CTNNA2: variants seen among roughly 807,000 people sequenced by gnomAD.
CTNNA2 encodes catenin alpha 2, also known as catenin alpha-2.
Under a neutral mutation model 101.0 loss-of-function variants are expected in CTNNA2, and 42 were observed. The observed-to-expected ratio is 0.42, with a 90% confidence interval of 0.32 to 0.54. The LOEUF is 0.54. CTNNA2 is among the 20% of genes least tolerant of loss of function. The probability of loss-of-function intolerance (pLI) is 0.14; values close to 1 mark genes in which losing one functional copy is unlikely to be tolerated. For missense variants in CTNNA2, 871 were observed against 1,223.1 expected (o/e 0.71, Z 4.29); for synonymous variants, 450 against 456.4 (o/e 0.99, Z 0.18).
chr2:79,249,317 C>G (rs1674739869), intron 2 of CTNNA2, among the ~76,000 whole-genome samples: 1 of 152,168 alleles, frequency 6.6e-6, no homozygotes, highest in African/African-American at 2.4e-5. Context: ...ACCATTTCCC[C>G]CACATACTAT....
intron 15 of CTNNA2, among the ~76,000 whole-genome samples, chr2:80,593,367 T>C (rs1489016132): frequency 1.3e-5 from 2 of 152,114 alleles, no homozygotes; most frequent in Non-Finnish European, 2.9e-5. Flanking sequence ...TTGTTTGTTT[T>C]GCTGTTGGCT....
intron 18 of CTNNA2, among the ~76,000 whole-genome samples, chr2:80,630,976 T>C (rs533223533): frequency 6.6e-6 from 1 of 152,326 alleles, no homozygotes; most frequent in Admixed American, 6.5e-5. Context: ...ACTTCAGATG[T>C]AACAGAAATC....
chr2:80,153,299 T>C lies in CTNNA2; in HGVS notation c.1057-239912T>C, dbSNP rs190555950. Among the ~76,000 whole-genome samples the C allele has an allele frequency of 2.9e-3, 436 of 152,316 alleles. 2 individuals are homozygous for C. The highest frequency in any genetic ancestry group is 3.4e-3 in the Middle Eastern group (1 of 294). On this transcript the variant is annotated intron_variant, in intron 7 of 18. Transcript: ENST00000402739. ...GGGAGCAGCCTATGGTCTTGCCCTT[T>C]CTCAGTATTTGTCATCCTGCCTTGC...
chr2:80,559,362 T>C (rs1263525570), intron 12 of CTNNA2, among the ~76,000 whole-genome samples: 2 of 152,166 alleles, frequency 1.3e-5, no homozygotes, highest in Non-Finnish European at 2.9e-5. Context: ...TGTAGACAGA[T>C]GAATGGCTGC....
intron 7 of CTNNA2, among the ~76,000 whole-genome samples, chr2:79,942,278 C>G (rs940672740): frequency 6.6e-6 from 1 of 152,130 alleles, no homozygotes; most frequent in African/African-American, 2.4e-5. Flanking sequence ...AGCCGAGAAC[C>G]AGGAAGGCAG....
At chr2:79,549,170 T>C (rs1208578286) in intron 1 of CTNNA2, among the ~76,000 whole-genome samples, 1 of 152,200 alleles carries the variant, frequency 6.6e-6, no homozygotes, top group Non-Finnish European at 1.5e-5. Context: ...TCCTCCGTTA[T>C]ATCATTTAAA....
chr2:79,848,997 G>A (rs1680464102), intron 3 of CTNNA2, among the ~76,000 whole-genome samples: 1 of 152,106 alleles, frequency 6.6e-6, no homozygotes, highest in South Asian at 2.1e-4. Flanking sequence ...CCTGACCACG[G>A]CACTTGGGCT....
rs765524725 is a variant in CTNNA2, at chr2:80,303,308, T to C, written c.1057-89903T>C. ...GCGCACGGGCACAAACTGGATGGCG[T>C]TGGCCCGCATATGCAGCGTGGTGAG... On this transcript the variant is annotated intron_variant, in intron 7 of 18. Transcript: ENST00000402739. The surrounding 1 kb of genome is among the most constrained non-coding windows in gnomAD (Gnocchi z 7.7). The C allele has an allele frequency of 2.5e-6, 4 of 1,613,580 alleles. No homozygotes were observed. Among genetic ancestry groups the C allele is most frequent in the African/African-American group, 2.7e-5 (2 of 74,918 alleles).
At chr2:79,949,249 T>G (rs1264630168) in intron 7 of CTNNA2, among the ~76,000 whole-genome samples, 1 of 152,184 alleles carries the variant, frequency 6.6e-6, no homozygotes, top group Non-Finnish European at 1.5e-5. Context: ...CCCCAAGGCC[T>G]TGTTTAGATT....
chr2:79,814,766 T>G (rs1026060152), intron 3 of CTNNA2, among the ~76,000 whole-genome samples: 6 of 152,172 alleles, frequency 3.9e-5, no homozygotes, highest in African/African-American at 1.4e-4. Context: ...TTTCATGTAC[T>G]GGCCTCTTTT....
chr2:79,259,443 C>T (rs146820825), intron 2 of CTNNA2, among the ~76,000 whole-genome samples: 2 of 152,166 alleles, frequency 1.3e-5, no homozygotes, highest in Admixed American at 1.3e-4. Flanking sequence ...CAGAGGTGAA[C>T]AGGAAAAGAA....
intron 17 of CTNNA2, among the ~76,000 whole-genome samples, chr2:80,616,059 C>T (rs1271285050): frequency 1.3e-5 from 2 of 151,544 alleles, no homozygotes; most frequent in Non-Finnish European, 3.0e-5. Flanking sequence ...CTCTGAACAC[C>T]TTCATCTGTG....
intron 4 of CTNNA2, among the ~76,000 whole-genome samples, chr2:79,385,529 G>A (rs200357346): frequency 1.4e-5 from 2 of 141,044 alleles, no homozygotes; most frequent in East Asian, 5.7e-4. Flanking sequence ...ATTTTATTTT[G>A]TTTTACTTTT....
At chr2:79,281,506 A>G (rs1403542532) in intron 2 of CTNNA2, 5 of 152,226 alleles carry the variant, frequency 3.3e-5, no homozygotes, top group Admixed American at 6.5e-5. Context: ...TGGAAATCAA[A>G]TAAAGCAACA....
At chr2:80,337,615 A>AC (rs1559021383) in intron 7 of CTNNA2, among the ~76,000 whole-genome samples, 2 of 151,858 alleles carry the variant, frequency 1.3e-5, no homozygotes, top group Non-Finnish European at 2.9e-5. Flanking sequence ...GCACACACAC[A>AC]AATACACACA....
At chr2:79,813,434 A>G (rs1185198969) in intron 3 of CTNNA2, among the ~76,000 whole-genome samples, 1 of 152,214 alleles carries the variant, frequency 6.6e-6, no homozygotes, top group Non-Finnish European at 1.5e-5. Flanking sequence ...GATCAAGCTA[A>G]TAAGTCTTAT....
intron 17 of CTNNA2, among the ~76,000 whole-genome samples, chr2:80,612,325 T>C (rs1450822099): frequency 6.6e-6 from 1 of 151,558 alleles, no homozygotes; most frequent in East Asian, 1.9e-4. Context: ...TGAATATTCA[T>C]GATATAGGTA....
intron 9 of CTNNA2, among the ~76,000 whole-genome samples, chr2:80,515,799 CT>C (rs1689066068): frequency 6.6e-6 from 1 of 152,190 alleles, no homozygotes; most frequent in Non-Finnish European, 1.5e-5. Context: ...GGTCTGGTGG[CT>C]TCAGCCGAAA....
At chr2:79,745,119 A>G (rs753116579) in intron 3 of CTNNA2, among the ~76,000 whole-genome samples, 6 of 152,154 alleles carry the variant, frequency 3.9e-5, no homozygotes, top group Non-Finnish European at 5.9e-5. Flanking sequence ...TTTGATCTGT[A>G]TAAAATATAC....
Sources: allele counts gnomAD v4.1 joint callset (sites outside exome capture counted in the v4.1 genomes callset), GRCh38; gene constraint gnomAD v4.1.1; non-coding constraint Gnocchi (gnomAD v3.1); transcripts MANE v1.5; gene names NCBI Gene and HGNC (gene_info 2026-07-23, HGNC 2026-07-21).